Variants in WDR59 observed in about 807,000 individuals in gnomAD.
The protein encoded by WDR59 is GATOR2 complex protein WDR59.
Under a neutral mutation model 131.2 loss-of-function variants are expected in WDR59, and 100 were observed. The observed-to-expected ratio is 0.76, with a 90% CI of 0.65 to 0.90. WDR59 has a LOEUF of 0.90. Among genes scored for constraint, WDR59 ranks in the 40% least tolerant of loss-of-function variants. WDR59 has a pLI of 0.00. For missense variants in WDR59, 1,203 were observed against 1,262.2 expected, an observed-to-expected ratio of 0.95 and a Z score of 0.71; for synonymous variants, 601 against 466.2, an observed-to-expected ratio of 1.29 and a Z score of -3.72.
chr16:74,888,833 G>C (rs976673526), intron 21 of WDR59, among the ~76,000 whole-genome samples: 1 of 152,220 alleles, frequency 6.6e-6, no homozygotes. Flanking sequence ...TATTAGGTAA[G>C]AACAACAAGG....
intron 1 of WDR59, among the ~76,000 whole-genome samples, chr16:74,968,455 T>C (rs902034770): frequency 6.6e-6 from 1 of 152,120 alleles, no homozygotes; most frequent in African/African-American, 2.4e-5. Flanking sequence ...GTGCAGTAGC[T>C]CACACCTGTA....
chr16:74,940,612 T>G (rs529462839), intron 7 of WDR59, among the ~76,000 whole-genome samples: 46 of 152,326 alleles, frequency 3.0e-4, no homozygotes, highest in African/African-American at 1.0e-3. Context: ...CAGTGCTGCT[T>G]TGACACTACA....
rs961436625 is a variant in WDR59 at position 74,893,682 on chromosome 16, T to C, written c.1997A>G (p.Tyr666Cys). ...LPVHKSLGEL[Y>C]ILNVNDIQET... is the part of the protein sequence containing the mutation. Reference sequence around the variant, plus strand: ...AGACTTGAAATTTTGTACTTACATGTACAGCTCTCCCAGCGATTTGTGAAC... The same window carrying C: ...AGACTTGAAATTTTGTACTTACATGCACAGCTCTCCCAGCGATTTGTGAAC... The change falls in exon 19 of 26, where the codon TAC (tyrosine) becomes TGC (cysteine). Residue 666 changes from tyrosine to cysteine, a missense_variant. Tyr to Cys is a radical substitution (Grantham distance 194, BLOSUM62 -2). Transcript: ENST00000262144. The C allele has an allele frequency of 4.3e-6, 7 of 1,614,014 alleles. No individual in the cohort carries two copies. The Admixed American group carries it at 1.0e-4, about 23-fold the overall frequency.
At chr16:74,894,691 T>C (rs948548597) in intron 18 of WDR59, among the ~76,000 whole-genome samples, 1 of 152,184 alleles carries the variant, frequency 6.6e-6, no homozygotes, top group South Asian at 2.1e-4. Flanking sequence ...AGGCCTCCAA[T>C]TTGGAATTAG....
chr16:74,959,580 G>A (rs1283303806), intron 2 of WDR59: 1 of 447,428 alleles, frequency 2.2e-6, no homozygotes, highest in East Asian at 7.2e-5. Context: ...TGGGCAACCT[G>A]GCAAGACCTT....
In WDR59 at chr16:74,912,315, G is replaced by A. The variant is rs1446058500; in HGVS notation, c.1272C>T (p.Asn424=). The A allele has an allele frequency of 1.9e-6, 3 of 1,614,078 alleles. No homozygotes were observed. Among genetic ancestry groups the A allele is most frequent in the Admixed American group, 3.3e-5 (2 of 60,030 alleles). ...ACTTCACCAGCATCTTGACACGATG[G>A]TTGCTGCAGTGCACAGACACTGTGC... ...RSCTVSVHCS[N]HRVKMLVKFP... Residue 424 remains asparagine, a synonymous_variant, in exon 14 of 26, where the codon AAC becomes AAT. Coordinates refer to ENST00000262144, the MANE Select transcript of WDR59 (RefSeq NM_030581.4).
chr16:74,898,520 T>C (rs1416091609), intron 18 of WDR59, among the ~76,000 whole-genome samples: 1 of 152,096 alleles, frequency 6.6e-6, no homozygotes, highest in Non-Finnish European at 1.5e-5. Flanking sequence ...TTCATGGAGT[T>C]ATGGCAAAGA....
intron 3 of WDR59, among the ~76,000 whole-genome samples, 159 bp downstream of exon 3, chr16:74,956,316 T>A (rs557283462): frequency 6.6e-6 from 1 of 152,316 alleles, no homozygotes; most frequent in African/African-American, 2.4e-5. Context: ...CACGTATATT[T>A]AATCCGTAAC....
chr16:74,946,985 T>C (rs1452636634), intron 6 of WDR59, among the ~76,000 whole-genome samples: 1 of 152,252 alleles, frequency 6.6e-6, no homozygotes, highest in African/African-American at 2.4e-5. Flanking sequence ...AATTTAGCTT[T>C]ATCTCTGTAA....
Position 74,873,613 on chromosome 16 carries a change from A to ATTTTTTTTTTTTTTTTTT in WDR59, c.*595_*596insAAAAAAAAAAAAAAAAAA. 6.6e-6 allele frequency: 1 copy of ATTTTTTTTTTTTTTTTTT among 150,606 alleles called. No individual in the cohort carries two copies. 9.3% of individuals were successfully genotyped at this position (150,606 alleles called of 1,614,324 possible). ...TTTTTTTTTTTTTCAAATTACTAGAATTTTATTAGCCAAGGGATAGCAGCT... is the reference window on the plus strand; with the variant it reads ...TTTTTTTTTTTTTCAAATTACTAGAATTTTTTTTTTTTTTTTTTTTTTATTAGCCAAGGGATAGCAGCT... On this transcript the variant is annotated 3_prime_UTR_variant, in exon 26 of 26. Transcript: ENST00000262144.
At chr16:74,894,194 T>C (rs563092029) in intron 18 of WDR59, among the ~76,000 whole-genome samples, 8 of 152,326 alleles carry the variant, frequency 5.3e-5, no homozygotes, top group African/African-American at 1.7e-4. Context: ...CTGAAACTCA[T>C]CAAAATTTTT....
At position 74,874,294 on chromosome 16, in the gene WDR59, G is replaced by T; in HGVS notation, c.2840C>A (p.Thr947Asn). ...CCGAAACCACTCCATCATGTGGCTG[G>T]TGTGGCCACCGTGCCCACAGGTCAG... ...FCLTCGHGGH[T>N]SHMMEWFRTQ... The change falls in exon 26 of 26, where the codon ACC becomes AAC. Residue 947 changes from threonine (T) to asparagine (N), a missense_variant. Physicochemically the swap from Thr to Asn is moderately conservative, Grantham distance 65. Coordinates refer to ENST00000262144, the MANE Select transcript of WDR59 (RefSeq NM_030581.4). The T allele has an allele frequency of 6.2e-7, 1 of 1,614,114 alleles. No homozygotes were observed. Among genetic ancestry groups the T allele is most frequent in the Non-Finnish European group, 8.5e-7 (1 of 1,180,018 alleles).
At chr16:74,969,767 C>T (rs2033910708) in intron 1 of WDR59, among the ~76,000 whole-genome samples, 2 of 151,912 alleles carry the variant, frequency 1.3e-5, no homozygotes, top group Non-Finnish European at 2.9e-5. Context: ...ACCATGTTTC[C>T]CAGGCTGGTC....
At chr16:74,926,003 T>TA (rs34876405) in intron 8 of WDR59, among the ~76,000 whole-genome samples, 22,510 of 135,688 alleles carry the variant, frequency 0.17, 2,519 homozygotes, top group African/African-American at 0.33. Flanking sequence ...ATGTTTTTAA[T>TA]AAAAAAAAAA....
intron 6 of WDR59, among the ~76,000 whole-genome samples, chr16:74,943,240 CTT>C (rs3064646): frequency 0.085 from 12,412 of 146,482 alleles, 814 homozygotes; most frequent in East Asian, 0.33. Context: ...TGCCTGCCCC[CTT>C]TTTTTTTTTT....
chr16:74,908,409 C>T (rs530712663), intron 17 of WDR59, among the ~76,000 whole-genome samples: 1 of 152,102 alleles, frequency 6.6e-6, no homozygotes, highest in African/African-American at 2.4e-5. Context: ...AGAGCCAGAT[C>T]CTGTCTCAAA....
chr16:74,875,000 A>G (rs992356575), intron 25 of WDR59, among the ~76,000 whole-genome samples: 2 of 152,152 alleles, frequency 1.3e-5, no homozygotes, highest in Non-Finnish European at 2.9e-5. Context: ...AGTGCCCTAC[A>G]GCAGGGGGCA....
At position 74,917,896 on chromosome 16, in the gene WDR59, G is replaced by C. The variant is rs763466501; in HGVS notation, c.966+33C>G. ...ATCTTACACTTTTTGGTGGATTCAGGTACATTTCTCCACAATAGCACTGCA... is the reference window on the plus strand; with the variant it reads ...ATCTTACACTTTTTGGTGGATTCAGCTACATTTCTCCACAATAGCACTGCA... On this transcript the variant is annotated intron_variant, in intron 11 of 25. Transcript: ENST00000262144. 3.8e-6 allele frequency: 6 copies of C among 1,588,332 alleles called. No homozygotes were observed. The Admixed American group carries it at 1.0e-4, about 27-fold the overall frequency.
intron 25 of WDR59, among the ~76,000 whole-genome samples, chr16:74,880,644 T>TCACA (rs1363896009): frequency 2.0e-5 from 3 of 152,116 alleles, no homozygotes; most frequent in African/African-American, 7.2e-5. Flanking sequence ...ACCCTGAGGA[T>TCACA]CACAGGTAAG....
Sources: allele counts gnomAD v4.1 joint callset (sites outside exome capture counted in the v4.1 genomes callset), GRCh38; gene constraint gnomAD v4.1.1; transcripts MANE v1.5; gene names NCBI Gene and HGNC (gene_info 2026-07-23, HGNC 2026-07-21).